ZNF625: variants seen among roughly 807,000 people sequenced by gnomAD.
The protein encoded by ZNF625 is zinc finger protein 625.
In ZNF625, 8 loss-of-function variants were observed where a neutral mutation model predicts 11.1. That is an observed-to-expected ratio of 0.72 (90% CI 0.42 to 1.30). The LOEUF is 1.30. ZNF625 is among the 50% of genes most tolerant of loss of function. The probability of loss-of-function intolerance (pLI) is 0.01; values close to 1 mark genes in which losing one functional copy is unlikely to be tolerated. For synonymous variants in ZNF625, 145 were observed against 153.4 expected (o/e 0.95, Z 0.41); for missense variants, 349 against 447.6 (o/e 0.78, Z 1.99).
chr19:12,156,675 C>A lies in ZNF625; in HGVS notation c.-117G>T. ...GGAGGCACCTGGTCCCTCTCGGGGC[C>A]GGAAAACCGAGATCCCGACCTCCCT... On this transcript the variant is annotated 5_prime_UTR_variant, in exon 1 of 4. Transcript: ENST00000439556. The A allele has an allele frequency of 9.3e-7, 1 of 1,079,212 alleles. No homozygotes were observed. The highest frequency in any genetic ancestry group is 1.2e-6 in the Non-Finnish European group (1 of 845,152). The allele number at this position is 1,079,212 out of a possible 1,614,324, so 66.9% of individuals were successfully genotyped here.
At chr19:12,147,631 A>T (rs749864668) in intron 2 of ZNF625, 45 bp downstream of exon 2, 1 of 1,612,758 alleles carries the variant, frequency 6.2e-7, no homozygotes, top group South Asian at 1.1e-5. Flanking sequence ...AGCTAGAAAC[A>T]CTTGTTCTCT....
At chr19:12,146,970 A>ATTT (rs934558893) in intron 3 of ZNF625, among the ~76,000 whole-genome samples, 2 of 130,820 alleles carry the variant, frequency 1.5e-5, no homozygotes, top group East Asian at 2.3e-4. Context: ...GTTTTTAGAG[A>ATTT]TTTTTTTTTT....
At chr19:12,156,040 A>G (rs1170368707) in intron 1 of ZNF625, among the ~76,000 whole-genome samples, 1 of 152,208 alleles carries the variant, frequency 6.6e-6, no homozygotes, top group Middle Eastern at 3.4e-3. Flanking sequence ...TATTTTTAAT[A>G]GAAACTAGGG....
chr19:12,156,542 C>T lies in ZNF625; in HGVS notation c.3+14G>A. 7.0e-7 allele frequency: 1 copy of T among 1,428,992 alleles called. No individual in the cohort carries two copies. The highest frequency in any genetic ancestry group is 9.2e-7 in the Non-Finnish European group (1 of 1,089,422). 88.5% of individuals were successfully genotyped at this position (1,428,992 alleles called of 1,614,324 possible). A position where few individuals can be genotyped will look rare whatever the true frequency, so the allele number is the denominator to read the frequency against. Reference sequence around the variant, plus strand: ...CCCTCCCCCGTCTCGGGACCCCCGGCCCCGCACACTCACCATTTCCCGGCT... The same window carrying T: ...CCCTCCCCCGTCTCGGGACCCCCGGTCCCGCACACTCACCATTTCCCGGCT... On this transcript the variant is annotated intron_variant, in intron 1 of 3. Coordinates refer to ENST00000439556, the MANE Select transcript of ZNF625 (RefSeq NM_145233.4).
At chr19:12,153,327 G>A (rs1976981075) in intron 1 of ZNF625, among the ~76,000 whole-genome samples, 1 of 149,276 alleles carries the variant, frequency 6.7e-6, no homozygotes, top group Non-Finnish European at 1.5e-5. Context: ...TCTAGCCTGG[G>A]CGACAGAGTG....
At chr19:12,151,232 G>C (rs1387124506) in intron 1 of ZNF625, among the ~76,000 whole-genome samples, 1 of 143,650 alleles carries the variant, frequency 7.0e-6, no homozygotes, top group East Asian at 2.0e-4. Context: ...TTTTGTCTGA[G>C]ACAGAGTCTC....
At chr19:12,149,072 G>A (rs540079893) in intron 1 of ZNF625, among the ~76,000 whole-genome samples, 2 of 151,974 alleles carry the variant, frequency 1.3e-5, no homozygotes, top group African/African-American at 4.8e-5. Context: ...ACGAGGTCAG[G>A]AGATCAAGAC....
chr19:12,149,770 G>A (rs572756122), intron 1 of ZNF625, among the ~76,000 whole-genome samples: 18 of 150,768 alleles, frequency 1.2e-4, no homozygotes, highest in Admixed American at 1.1e-3. Context: ...ACGGAGTTTC[G>A]CTCTTGTTGC....
intron 1 of ZNF625, among the ~76,000 whole-genome samples, chr19:12,153,805 C>CTTTTT (rs912782968): frequency 4.4e-5 from 5 of 113,572 alleles, no homozygotes; most frequent in East Asian, 2.6e-4. Flanking sequence ...TTTTATATTT[C>CTTTTT]TTTTTTTTTT....
At position 12,145,454 on chromosome 19, in the gene ZNF625, T is replaced by A. The variant is rs1374841814; in HGVS notation, c.962A>T (p.His321Leu). ...AFRSASHLRT[H>L]GRTHTGEKPY... The stretch of plus-strand genomic sequence containing the variant: ...TTTCTCTCCAGTGTGAGTCCTTCCA[T>A]GTGTTCGAAGGTGCGAGGCAGATCT... Residue 321 changes from histidine (H) to leucine (L), a missense_variant, in exon 4 of 4, where the codon CAT becomes CTT. Transcript: ENST00000439556. 21 of 1,614,108 alleles carry A rather than the reference T, an allele frequency of 1.3e-5. No individual in the cohort carries two copies. The highest frequency in any genetic ancestry group is 1.4e-5 in the Non-Finnish European group (17 of 1,180,056).
rs954867118 is a variant in ZNF625, at chr19:12,146,345, C to T, written c.192-121G>A. ...GCAATGTGTAGGCTTTCTGCCCTGT[C>T]TGAACATGAACAGACCACACATGCT... On this transcript the variant is annotated intron_variant, in intron 3 of 3. Coordinates refer to ENST00000439556, the MANE Select transcript of ZNF625 (RefSeq NM_145233.4). 12 of 919,218 alleles carry T rather than the reference C, an allele frequency of 1.3e-5. No individual in the cohort carries two copies. The South Asian group carries it at 2.0e-4, about 15-fold the overall frequency. 56.9% of individuals were successfully genotyped at this position (919,218 alleles called of 1,614,324 possible). A position where few individuals can be genotyped will look rare whatever the true frequency, so the allele number is the denominator to read the frequency against.
At position 12,146,970 on chromosome 19, in the gene ZNF625, A is replaced by ATTTTTTTTTTTTTTTTTTTTTTTTTTTTT. The variant is rs934558893; in HGVS notation, c.191+424_191+425insAAAAAAAAAAAAAAAAAAAAAAAAAAAAA. Among the ~76,000 whole-genome samples the ATTTTTTTTTTTTTTTTTTTTTTTTTTTTT allele has an allele frequency of 1.8e-4, 24 of 130,846 alleles. 2 individuals carry two copies. Among genetic ancestry groups the ATTTTTTTTTTTTTTTTTTTTTTTTTTTTT allele is most frequent in the African/African-American group, 4.8e-4 (16 of 33,112 alleles). The allele number at this position is 130,846 out of a possible 152,430, so 85.8% of individuals were successfully genotyped here. A position where few individuals can be genotyped will look rare whatever the true frequency, so the allele number is the denominator to read the frequency against. ...CACACTTAAATATATGTTTTTAGAG[A>ATTTTTTTTTTTTTTTTTTTTTTTTTTTTT]TTTTTTTTTTTTTTGAGACGGAGTC... On this transcript the variant is annotated intron_variant, in intron 3 of 3. Coordinates refer to ENST00000439556, the MANE Select transcript of ZNF625 (RefSeq NM_145233.4).
intron 1 of ZNF625, among the ~76,000 whole-genome samples, chr19:12,149,283 CAA>C (rs747461916): frequency 2.0e-4 from 13 of 64,406 alleles, no homozygotes; most frequent in African/African-American, 2.4e-4. Context: ...GACTCAGTCT[CAA>C]AAAAAAAAAA....
At position 12,147,576 on chromosome 19, in the gene ZNF625, TCACTATTCCCTGTCCA is replaced by T. The variant is rs1976894935; in HGVS notation, c.130+84_130+99del. 2.5e-6 allele frequency: 4 copies of T among 1,576,836 alleles called. No homozygotes were observed. The South Asian group carries it at 3.4e-5, about 13-fold the overall frequency. On this transcript the variant is annotated intron_variant, in intron 2 of 3. Coordinates refer to ENST00000439556, the MANE Select transcript of ZNF625 (RefSeq NM_145233.4). ...TTATTCACATTCCTATTCCCTGTCCTCACTATTCCCTGTCCACACTCCAAATCACTCAACACTACTG... is the reference window on the plus strand; with the variant it reads ...TTATTCACATTCCTATTCCCTGTCCTCACTCCAAATCACTCAACACTACTG...
At chr19:12,156,048 G>T (rs1046476731) in intron 1 of ZNF625, among the ~76,000 whole-genome samples, 4 of 152,096 alleles carry the variant, frequency 2.6e-5, no homozygotes, top group Admixed American at 2.6e-4. Context: ...ATAGAAACTA[G>T]GGTCTCGGTA....
At chr19:12,149,440 TACA>T (rs150483123) in intron 1 of ZNF625, among the ~76,000 whole-genome samples, 14,239 of 152,082 alleles carry the variant, frequency 0.094, 715 homozygotes, top group African/African-American at 0.1. Context: ...TGTCCGTTGT[TACA>T]ACAAGCATGA....
At position 12,146,123 on chromosome 19, in the gene ZNF625, C is replaced by T. The variant is rs112669855; in HGVS notation, c.293G>A (p.Arg98Gln). 2.7e-5 allele frequency: 43 copies of T among 1,614,084 alleles called. 1 individual carries two copies. Among genetic ancestry groups the T allele is most frequent in the Middle Eastern group, 3.3e-4 (2 of 6,062 alleles). The part of the protein sequence containing the change: ...PDDMLKKKTP[R>Q]VKSCGEVSVG... ...GCTGACTTCTCCACATGATTTTACT[C>T]GGGGAGTTTTCTTCTTCAGCATGTC... The change falls in exon 4 of 4, where the codon CGA becomes CAA. Residue 98 changes from arginine to glutamine, a missense_variant. Arg to Gln is a conservative substitution (Grantham distance 43). Transcript: ENST00000439556.
At chr19:12,148,622 C>CT (rs1976910382) in intron 1 of ZNF625, among the ~76,000 whole-genome samples, 2 of 137,558 alleles carry the variant, frequency 1.5e-5, no homozygotes, top group African/African-American at 2.8e-5. Context: ...ATATAACTAC[C>CT]ATTTTTTTTT....
chr19:12,152,962 T>C lies in ZNF625; in HGVS notation c.3+3594A>G, dbSNP rs556019167. 1.1e-3 allele frequency among the ~76,000 whole-genome samples: 170 copies of C among 152,240 alleles called. 1 individual carries two copies. Among genetic ancestry groups the C allele is most frequent in the Non-Finnish European group, 2.2e-3 (151 of 68,020 alleles). ...TCATTCGTGATGGTGAAGGACTAAC[T>C]GCTTTCTCCCAAAGATGAGACACAG... On this transcript the variant is annotated intron_variant, in intron 1 of 3. Coordinates refer to ENST00000439556, the MANE Select transcript of ZNF625 (RefSeq NM_145233.4).
Sources: allele counts gnomAD v4.1 joint callset (sites outside exome capture counted in the v4.1 genomes callset), GRCh38; gene constraint gnomAD v4.1.1; transcripts MANE v1.5; gene names NCBI Gene and HGNC (gene_info 2026-07-23, HGNC 2026-07-21).